Variants in PTPN3 observed in about 807,000 individuals in gnomAD.
PTPN3 encodes protein tyrosine phosphatase non-receptor type 3.
A neutral mutation model predicts 132.7 loss-of-function variants in PTPN3; 96 were observed. That is an observed-to-expected ratio of 0.72 (90% CI 0.61 to 0.86). The LOEUF (loss-of-function observed/expected upper bound fraction) is 0.86. Among genes scored for constraint, PTPN3 ranks in the 40% least tolerant of loss-of-function variants. The pLI is 0.00. For synonymous variants in PTPN3, 398 were observed against 429.0 expected (o/e 0.93, Z 0.89); for missense variants, 1,125 against 1,159.6 (o/e 0.97, Z 0.43).
chr9:109,390,764 A>AT (rs895306079), intron 21 of PTPN3, among the ~76,000 whole-genome samples: 277 of 148,342 alleles, frequency 1.9e-3, no homozygotes, highest in African/African-American at 4.9e-3. Context: ...TATTTTTCTC[A>AT]TTTTTTTTTT....
At chr9:109,424,397 T>C (rs976613781) in intron 12 of PTPN3, among the ~76,000 whole-genome samples, 1 of 152,178 alleles carries the variant, frequency 6.6e-6, no homozygotes, top group South Asian at 2.1e-4. Flanking sequence ...TCCCAAGCCA[T>C]CCTCCCAACC....
In PTPN3 at chr9:109,445,598, G is replaced by A. The variant is rs556626954; in HGVS notation, c.414-306C>T. 1.1e-4 allele frequency among the ~76,000 whole-genome samples: 17 copies of A among 150,902 alleles called. No homozygotes were observed. In the East Asian group the frequency reaches 3.0e-3, roughly 27 times the overall value. Reference sequence around the variant, plus strand: ...AGAAGGGTCAGGCTCTTATCTCTAAGAGGGGAAAAAAAAGTAAAAAAATTG... The same window carrying A: ...AGAAGGGTCAGGCTCTTATCTCTAAAAGGGGAAAAAAAAGTAAAAAAATTG... On this transcript the variant is annotated intron_variant, in intron 6 of 25. Transcript: ENST00000374541.
chr9:109,389,770 T>C (rs866482773), intron 21 of PTPN3, among the ~76,000 whole-genome samples: 1 of 152,262 alleles, frequency 6.6e-6, no homozygotes, highest in Non-Finnish European at 1.5e-5. Flanking sequence ...AAAATCTATT[T>C]ACGTTTATTT....
the PTPN3 span, among the ~76,000 whole-genome samples, chr9:109,518,486 T>C: frequency 9.9e-5 from 15 of 152,172 alleles, no homozygotes; most frequent in African/African-American, 3.6e-4. Context: ...GGACAGGTGC[T>C]GATCAGGGTG....
chr9:109,488,319 C>T (rs59380239), intron 1 of PTPN3, among the ~76,000 whole-genome samples: 6,631 of 151,898 alleles, frequency 0.044, 284 homozygotes, highest in East Asian at 0.23. Context: ...AGTCTGGTCT[C>T]GAACTCCTGA....
chr9:109,383,123 G>A (rs1442088754), intron 23 of PTPN3, among the ~76,000 whole-genome samples: 2 of 152,168 alleles, frequency 1.3e-5, no homozygotes, highest in African/African-American at 4.8e-5. Flanking sequence ...CAGTGTTGTA[G>A]CAGGGGTCAG....
chr9:109,473,518 C>T (rs9785217), intron 1 of PTPN3, among the ~76,000 whole-genome samples: 55 of 152,282 alleles, frequency 3.6e-4, no homozygotes, highest in African/African-American at 1.3e-3. Flanking sequence ...TTTAAGCTCC[C>T]TGAAGGGCAA....
At chr9:109,521,598 C>A in the PTPN3 span, among the ~76,000 whole-genome samples, 1 of 152,178 alleles carries the variant, frequency 6.6e-6, no homozygotes, top group Non-Finnish European at 1.5e-5. Flanking sequence ...CTTTGGGAAG[C>A]CTTCTCTGAT....
chr9:109,420,621 G>A, intron 13 of PTPN3, 21 bp from the exon 14 acceptor site: 2 of 1,595,304 alleles, frequency 1.3e-6, no homozygotes, highest in South Asian at 1.1e-5. Context: ...AAAACGTTGA[G>A]TGCAAAGTGT....
the PTPN3 span, among the ~76,000 whole-genome samples, chr9:109,530,450 G>GTGTT: frequency 8.5e-5 from 13 of 152,142 alleles, no homozygotes; most frequent in African/African-American, 3.1e-4. Context: ...ATACCATATT[G>GTGTT]TGTTATTTAT....
rs576491577 is a variant in PTPN3, at chr9:109,427,682, C to A, written c.829-560G>T. Among the ~76,000 whole-genome samples the A allele has an allele frequency of 7.2e-5, 11 of 152,344 alleles. No homozygotes were observed. In the East Asian group the frequency reaches 9.6e-4, roughly 13 times the overall value. ...TGCCGTCTTATACATTTTTGTGCCACCCTGAATCTTGCACTGAGGGGTCAG... is the reference window on the plus strand; with the variant it reads ...TGCCGTCTTATACATTTTTGTGCCAACCTGAATCTTGCACTGAGGGGTCAG... On this transcript the variant is annotated intron_variant, in intron 11 of 25. Transcript: ENST00000374541.
intron 5 of PTPN3, chr9:109,449,655 T>C: frequency 2.0e-6 from 2 of 985,454 alleles, no homozygotes; most frequent in South Asian, 9.4e-5. Flanking sequence ...CATGTGACAC[T>C]TGGCCACTAG....
rs902779903 is a variant in PTPN3 at position 109,482,291 on chromosome 9, A to G, written c.-18+15928T>C. Among the ~76,000 whole-genome samples, 4 of 152,218 alleles carry G rather than the reference A, an allele frequency of 2.6e-5. No homozygotes were observed. In the East Asian group the frequency reaches 7.7e-4, roughly 29 times the overall value. On this transcript the variant is annotated intron_variant, in intron 1 of 25. Transcript: ENST00000374541. The stretch of plus-strand genomic sequence containing the variant: ...ACATTTATAACACTGAAAATTACAA[A>G]CAAAAAAGCTACTTGCCAATTTCGG...
chr9:109,378,386 T>C lies in PTPN3; in HGVS notation c.*1170A>G, dbSNP rs926902495. On this transcript the variant is annotated 3_prime_UTR_variant, in exon 26 of 26. Coordinates refer to ENST00000374541, the MANE Select transcript of PTPN3 (RefSeq NM_002829.4). ...CTTAGAATAAATTAACATCAGATTG[T>C]GTTTATATTCAGATAGTCTGATCCT... 6.5e-6 allele frequency: 1 copy of C among 152,680 alleles called. No individual in the cohort carries two copies. Among genetic ancestry groups the C allele is most frequent in the Admixed American group, 6.5e-5 (1 of 15,290 alleles). 9.5% of individuals were successfully genotyped at this position (152,680 alleles called of 1,614,324 possible). A position where few individuals can be genotyped will look rare whatever the true frequency, so the allele number is the denominator to read the frequency against.
chr9:109,468,993 TTGTGATAGATA>T (rs1388561073), intron 1 of PTPN3, among the ~76,000 whole-genome samples: 2 of 152,328 alleles, frequency 1.3e-5, no homozygotes, highest in East Asian at 3.9e-4. Flanking sequence ...TAAAAGATAG[TTGTGATAGATA>T]TGTGATACAT....
the PTPN3 span, among the ~76,000 whole-genome samples, chr9:109,504,490 C>T: frequency 6.6e-6 from 1 of 152,124 alleles, no homozygotes; most frequent in African/African-American, 2.4e-5. Context: ...AGCAGCCCTC[C>T]GCTATAAGGG....
the PTPN3 span, among the ~76,000 whole-genome samples, chr9:109,523,745 G>A: frequency 1.0e-3 from 152 of 152,390 alleles, no homozygotes; most frequent in African/African-American, 3.5e-3. Context: ...CGGATCTTTA[G>A]AGCTTATATA....
intron 19 of PTPN3, among the ~76,000 whole-genome samples, chr9:109,401,270 T>C (rs1389901853): frequency 1.3e-5 from 2 of 152,150 alleles, no homozygotes; most frequent in Non-Finnish European, 2.9e-5. Context: ...TCACCTCCTC[T>C]CCTCTGGAAC....
intron 14 of PTPN3, among the ~76,000 whole-genome samples, chr9:109,418,035 C>G (rs1439986349): frequency 1.3e-5 from 2 of 152,158 alleles, no homozygotes; most frequent in African/African-American, 4.8e-5. Context: ...TCCTATGGAG[C>G]TGGTGGCTGC....
Sources: gnomAD v4.1 joint callset for allele counts (sites outside exome capture counted in the v4.1 genomes callset) on GRCh38, gnomAD v4.1.1 for gene constraint, MANE v1.5 for transcripts, NCBI Gene and HGNC (gene_info 2026-07-23, HGNC 2026-07-21) for gene names.